TRIM37: variants seen among roughly 807,000 people sequenced by gnomAD.
TRIM37 encodes tripartite motif containing 37.
A neutral mutation model predicts 129.8 loss-of-function variants in TRIM37; 80 were observed. The observed-to-expected ratio is 0.62, with a 90% CI of 0.51 to 0.74. The LOEUF is 0.74. Among genes scored for constraint, TRIM37 ranks in the 30% least tolerant of loss-of-function variants. The pLI, the probability that TRIM37 is intolerant of heterozygous loss-of-function variation, is 0.00. For synonymous variants in TRIM37, 389 were observed against 387.1 expected, an observed-to-expected ratio of 1.00 and a Z score of -0.06; for missense variants, 1,054 against 1,176.5, an observed-to-expected ratio of 0.90 and a Z score of 1.52.
At position 59,106,646 on chromosome 17, in the gene TRIM37, C is replaced by G; in HGVS notation, c.-185G>C. ...GGTCCAGCGCCGCCTACCCCCATTT[C>G]GCCATTTTTACCGGCGCGCCCGCCC... On this transcript the variant is annotated 5_prime_UTR_variant, in exon 1 of 24. Transcript: ENST00000262294. 2.9e-6 allele frequency: 2 copies of G among 695,792 alleles called. No individual in the cohort carries two copies. The highest frequency in any genetic ancestry group is 4.9e-6 in the Non-Finnish European group (2 of 409,576). The allele number at this position is 695,792 out of a possible 1,614,324, so 43.1% of individuals were successfully genotyped here. A position where few individuals can be genotyped will look rare whatever the true frequency, so the allele number is the denominator to read the frequency against.
chr17:59,092,131 G>A (rs1182211006), intron 2 of TRIM37, among the ~76,000 whole-genome samples: 1 of 151,946 alleles, frequency 6.6e-6, no homozygotes, highest in Non-Finnish European at 1.5e-5. Context: ...GGTGTCTCAC[G>A]CCTGTAATCC....
chr17:59,091,721 A>C (rs1003003267), intron 2 of TRIM37, among the ~76,000 whole-genome samples: 2 of 148,942 alleles, frequency 1.3e-5, no homozygotes, highest in African/African-American at 4.9e-5. Context: ...GATACTTATA[A>C]AAGTAACAGG....
At chr17:58,999,660 GA>G (rs974684014) in intron 23 of TRIM37, among the ~76,000 whole-genome samples, 9 of 151,934 alleles carry the variant, frequency 5.9e-5, no homozygotes, top group African/African-American at 1.9e-4. Flanking sequence ...AAATAAAGGA[GA>G]AAAAAACAAA....
intron 13 of TRIM37, 114 bp downstream of exon 13, chr17:59,056,761 T>G (rs1032034059): frequency 3.6e-5 from 17 of 474,772 alleles, no homozygotes; most frequent in Non-Finnish European, 4.7e-5. Context: ...GATAAGGTTA[T>G]AGTTAGTATG....
intron 2 of TRIM37, among the ~76,000 whole-genome samples, chr17:59,100,046 T>C (rs1049630785): frequency 2.6e-5 from 4 of 152,016 alleles, no homozygotes; most frequent in Admixed American, 6.6e-5. Flanking sequence ...AGGTGATCCA[T>C]CCACTTCGGC....
chr17:59,095,494 A>G (rs1211678061), intron 2 of TRIM37, among the ~76,000 whole-genome samples: 1 of 152,142 alleles, frequency 6.6e-6, no homozygotes, highest in African/African-American at 2.4e-5. Context: ...TGGAGTGGAA[A>G]ACACTCTTTT....
In TRIM37 at chr17:59,050,601, G is replaced by A. The variant is rs374537525; in HGVS notation, c.1314+613C>T. Among the ~76,000 whole-genome samples, 19 of 152,198 alleles carry A rather than the reference G, an allele frequency of 1.2e-4. No individual in the cohort carries two copies. The East Asian group carries it at 2.9e-3, about 23-fold the overall frequency. ...GGAGGCTAAGGTGGGAAGATCACCCGAGCTTGGGAAGTTGAAGCTGCAGTT... is the reference window on the plus strand; with the variant it reads ...GGAGGCTAAGGTGGGAAGATCACCCAAGCTTGGGAAGTTGAAGCTGCAGTT... On this transcript the variant is annotated intron_variant, in intron 14 of 23. Coordinates refer to ENST00000262294, the MANE Select transcript of TRIM37 (RefSeq NM_015294.6).
intron 17 of TRIM37, 62 bp from the exon 18 acceptor site, chr17:59,032,152 A>G: frequency 6.6e-7 from 1 of 1,509,216 alleles, no homozygotes; most frequent in African/African-American, 1.4e-5. Context: ...TTAAATGAAA[A>G]AATGAACTGG....
At chr17:59,050,023 C>G in intron 14 of TRIM37, among the ~76,000 whole-genome samples, 1 of 152,164 alleles carries the variant, frequency 6.6e-6, no homozygotes, top group East Asian at 1.9e-4. Context: ...CCTCCCTGAC[C>G]TATTAACGAC....
chr17:58,996,764 A>G (rs1225639621), downstream of TRIM37, among the ~76,000 whole-genome samples: 1 of 143,476 alleles, frequency 7.0e-6, no homozygotes, highest in African/African-American at 2.7e-5. Context: ...GTGAGACTCC[A>G]TCAAAAAAAA....
chr17:58,999,207 C>G lies in TRIM37; in HGVS notation c.*170G>C. On this transcript the variant is annotated 3_prime_UTR_variant, in exon 24 of 24. Coordinates refer to ENST00000262294, the MANE Select transcript of TRIM37 (RefSeq NM_015294.6). The stretch of plus-strand genomic sequence containing the variant: ...TGTTTTTCCCATGTACTACTGCTGT[C>G]TTAGACTAAACTGTGCCACCTTCCA... 7 of 1,505,634 alleles carry G rather than the reference C, an allele frequency of 4.6e-6. No homozygotes were observed. Among genetic ancestry groups the G allele is most frequent in the Non-Finnish European group, 6.2e-6 (7 of 1,130,138 alleles). The allele number at this position is 1,505,634 out of a possible 1,614,324, so 93.3% of individuals were successfully genotyped here.
At chr17:58,994,553 A>G (rs1422677335), downstream of TRIM37, among the ~76,000 whole-genome samples, 1 of 152,060 alleles carries the variant, frequency 6.6e-6, no homozygotes, top group East Asian at 1.9e-4. Context: ...GCTGCACCCT[A>G]GCCTGGGCAA....
rs2032508064 is a variant in TRIM37 at position 58,992,287 on chromosome 17, TTATATATATTTATATA to T, written c.2891+7078_2891+7093del. ...AATATAAATATATATATATTTATATTTATATATATTTATATATATATAAATACATATGTAAATATAT... is the reference window on the plus strand; with the variant it reads ...AATATAAATATATATATATTTATATTTATATAAATACATATGTAAATATAT... On this transcript the variant is annotated intron_variant, in intron 24 of 24. Coordinates refer to the TRIM37 transcript ENST00000393066. 3.7e-5 allele frequency among the ~76,000 whole-genome samples: 5 copies of T among 135,210 alleles called. No individual in the cohort carries two copies. The South Asian group carries it at 1.1e-3, about 31-fold the overall frequency. 88.7% of individuals were successfully genotyped at this position (135,210 alleles called of 152,430 possible).
intron 7 of TRIM37, 26 bp downstream of exon 7, chr17:59,079,728 C>A: frequency 6.2e-7 from 1 of 1,613,390 alleles, no homozygotes; most frequent in South Asian, 1.1e-5. Context: ...GCACCAGGTA[C>A]CCCAGCAGCA....
chr17:59,014,975 G>A (rs1378990404), intron 21 of TRIM37, among the ~76,000 whole-genome samples: 1 of 151,106 alleles, frequency 6.6e-6, no homozygotes, highest in Non-Finnish European at 1.5e-5. Flanking sequence ...ACTTGGAGAG[G>A]CTGAGGTAGG....
chr17:59,036,449 T>G (rs148300396), intron 17 of TRIM37, among the ~76,000 whole-genome samples: 6,174 of 120,564 alleles, frequency 0.051, 386 homozygotes, highest in African/African-American at 0.19. Flanking sequence ...TTGCTGGGGG[T>G]GTGTGTGTGT....
At chr17:59,068,962 G>T (rs1450683103) in intron 9 of TRIM37, among the ~76,000 whole-genome samples, 1 of 152,058 alleles carries the variant, frequency 6.6e-6, no homozygotes, top group African/African-American at 2.4e-5. Context: ...TAAAACACAG[G>T]AAAGCTCACC....
chr17:59,017,216 C>T (rs1294487968), intron 20 of TRIM37, 80 bp downstream of exon 20: 1 of 1,560,884 alleles, frequency 6.4e-7, no homozygotes, highest in Non-Finnish European at 8.8e-7. Flanking sequence ...CCTTCAAGAT[C>T]TAAAGCTCCA....
At chr17:59,077,089 T>A (rs1273050557) in intron 7 of TRIM37, among the ~76,000 whole-genome samples, 3 of 151,580 alleles carry the variant, frequency 2.0e-5, no homozygotes, top group African/African-American at 7.3e-5. Flanking sequence ...CGCCCGGCCT[T>A]TATTTATTTT....
Sources: gnomAD v4.1 joint callset for allele counts (sites outside exome capture counted in the v4.1 genomes callset) on GRCh38, gnomAD v4.1.1 for gene constraint, MANE v1.5 for transcripts, NCBI Gene and HGNC (gene_info 2026-07-23, HGNC 2026-07-21) for gene names.